POLR1A: variants seen among roughly 807,000 people sequenced by gnomAD.
The protein encoded by POLR1A is DNA-directed RNA polymerase I subunit RPA1.
In POLR1A, 84 loss-of-function variants were observed where a neutral mutation model predicts 205.3. That is an observed-to-expected ratio of 0.41 (90% CI 0.34 to 0.49). POLR1A has a LOEUF of 0.49. POLR1A is among the 20% of genes least tolerant of loss of function. The pLI, the probability that POLR1A is intolerant of heterozygous loss-of-function variation, is 0.22. For missense variants in POLR1A, 1,645 were observed against 2,204.5 expected, an observed-to-expected ratio of 0.75 and a Z score of 5.08; for synonymous variants, 799 against 863.7, an observed-to-expected ratio of 0.93 and a Z score of 1.31.
At chr2:86,080,516 C>T (rs991050371) in intron 9 of POLR1A, among the ~76,000 whole-genome samples, 2 of 152,132 alleles carry the variant, frequency 1.3e-5, no homozygotes, top group African/African-American at 4.8e-5. Flanking sequence ...GAAATCTCAC[C>T]ACAAATCACA....
chr2:86,052,412 A>T (rs1435224801), intron 16 of POLR1A, among the ~76,000 whole-genome samples: 1 of 152,222 alleles, frequency 6.6e-6, no homozygotes, highest in Non-Finnish European at 1.5e-5. Flanking sequence ...ACAGAATGGA[A>T]ATGGGCACGA....
At position 86,041,990 on chromosome 2, in the gene POLR1A, T is replaced by C. The variant is rs747112784; in HGVS notation, c.3471A>G (p.Ala1157=). Reference sequence around the variant, plus strand: ...TTGTTTCAAATGTTTCTGACACTGATGCAAAGTAGATGTCAGGACGCCAGA... The same window carrying C: ...TTGTTTCAAATGTTTCTGACACTGACGCAAAGTAGATGTCAGGACGCCAGA... The part of the protein sequence containing the change: ...LSVWRPDIYF[A]SVSETFETKV... The change falls in exon 24 of 34, where the codon GCA becomes GCG. Residue 1157 remains alanine (A), a synonymous_variant. Transcript: ENST00000263857. 1.4e-5 allele frequency: 23 copies of C among 1,613,978 alleles called. No homozygotes were observed. In the South Asian group the frequency reaches 2.5e-4, roughly 18 times the overall value.
rs535792011 is a variant in POLR1A at position 86,046,833 on chromosome 2, A to G, written c.2733+332T>C. On this transcript the variant is annotated intron_variant, in intron 19 of 33. Coordinates refer to ENST00000263857, the MANE Select transcript of POLR1A (RefSeq NM_015425.6). ...GACAGAGCAAGACTTCATCTCGAAA[A>G]AAAACGAAAGAAAGAAAGAAACAAT... 8.5e-5 allele frequency among the ~76,000 whole-genome samples: 13 copies of G among 152,152 alleles called. No individual in the cohort carries two copies. In the South Asian group the frequency reaches 2.1e-3, roughly 24 times the overall value.
chr2:86,089,585 G>A (rs1447325722), intron 4 of POLR1A, among the ~76,000 whole-genome samples: 1 of 152,216 alleles, frequency 6.6e-6, no homozygotes, highest in East Asian at 1.9e-4. Flanking sequence ...ATGCTATACC[G>A]AAATCATATG....
chr2:86,063,168 T>G (rs1673026057), intron 14 of POLR1A, among the ~76,000 whole-genome samples: 1 of 151,452 alleles, frequency 6.6e-6, no homozygotes. Context: ...AAACCCCATC[T>G]CTACTAAAAA....
At chr2:86,100,364 T>C (rs1057406547) in intron 1 of POLR1A, among the ~76,000 whole-genome samples, 192 bp from the exon 2 acceptor site, 1 of 152,138 alleles carries the variant, frequency 6.6e-6, no homozygotes, top group Non-Finnish European at 1.5e-5. Flanking sequence ...AATAAATACA[T>C]ATGTGCTAAA....
At position 86,105,835 on chromosome 2, in the gene POLR1A, A is replaced by C; in HGVS notation, c.-59T>G. 7.0e-7 allele frequency: 1 copy of C among 1,422,240 alleles called. No individual in the cohort carries two copies. 88.1% of individuals were successfully genotyped at this position (1,422,240 alleles called of 1,614,324 possible). On this transcript the variant is annotated 5_prime_UTR_variant, in exon 1 of 34. Coordinates refer to ENST00000263857, the MANE Select transcript of POLR1A (RefSeq NM_015425.6). Reference sequence around the variant, plus strand: ...GAGACGTTCCACTCACCACCTGACTATTCTTAATTCAACCTCAAGCCCGGA... The same window carrying C: ...GAGACGTTCCACTCACCACCTGACTCTTCTTAATTCAACCTCAAGCCCGGA...
chr2:86,089,791 A>C, intron 4 of POLR1A, 31 bp downstream of exon 4: 1 of 1,308,420 alleles, frequency 7.6e-7, no homozygotes. Context: ...GATGCCCAAA[A>C]CAGCATGGGA....
In POLR1A at chr2:86,039,336, G is replaced by A. The variant is rs1356994417; in HGVS notation, c.3867C>T (p.Cys1289=). 6.2e-7 allele frequency: 1 copy of A among 1,613,734 alleles called. No homozygotes were observed. The highest frequency in any genetic ancestry group is 8.5e-7 in the Non-Finnish European group (1 of 1,179,988). The change falls in exon 26 of 34, where the codon TGC becomes TGT. Residue 1289 remains cysteine (C), a synonymous_variant. Transcript: ENST00000263857. ...GAAGGAGAGACGTTACCTCCCCCAAGCACACCCTGGTGAGTTGCTTCTTCA... is the reference window on the plus strand; with the variant it reads ...GAAGGAGAGACGTTACCTCCCCCAAACACACCCTGGTGAGTTGCTTCTTCA... ...KSLKKQLTRV[C]LGEVLQKIDV...
rs1362320705 is a variant in POLR1A, at chr2:86,040,573, T to G, written c.3573-14A>C. On this transcript the variant is annotated splice_polypyrimidine_tract_variant and intron_variant, in intron 24 of 33. Transcript: ENST00000263857. The stretch of plus-strand genomic sequence containing the variant: ...AAGGTCCTCAACCTAGAGACGGTGG[T>G]GGGGGGTCAGGGTGGGGGTTGTGGC... The G allele has an allele frequency of 2.8e-5, 43 of 1,521,824 alleles. 1 individual carries two copies. The South Asian group carries it at 3.6e-4, about 13-fold the overall frequency. 94.3% of individuals were successfully genotyped at this position (1,521,824 alleles called of 1,614,324 possible).
chr2:86,047,115 A>G (rs761192131), intron 19 of POLR1A, 50 bp downstream of exon 19: 12 of 1,261,472 alleles, frequency 9.5e-6, no homozygotes, highest in Non-Finnish European at 1.4e-5. Flanking sequence ...GCTATCCCCC[A>G]CCTGCCTTTG....
chr2:86,052,837 A>G lies in POLR1A; in HGVS notation c.2372T>C (p.Leu791Pro). Residue 791 changes from leucine to proline, a missense_variant, in exon 16 of 34, where the codon CTC becomes CCC. Coordinates refer to ENST00000263857, the MANE Select transcript of POLR1A (RefSeq NM_015425.6). ...CTTACCCAAGGTGAAGCCTCTGTAGAGCTGCAGGTAGGCGGTGAAGAGGCG... is the reference window on the plus strand; with the variant it reads ...CTTACCCAAGGTGAAGCCTCTGTAGGGCTGCAGGTAGGCGGTGAAGAGGCG... ...LARLFTAYLQLYRGFTLGVED... is the reference protein window; with the variant it reads ...LARLFTAYLQPYRGFTLGVED... The G allele has an allele frequency of 1.3e-6, 2 of 1,578,722 alleles. No homozygotes were observed. The highest frequency in any genetic ancestry group is 1.7e-6 in the Non-Finnish European group (2 of 1,161,912).
intron 3 of POLR1A, among the ~76,000 whole-genome samples, chr2:86,093,505 A>T (rs1673646427): frequency 6.6e-6 from 1 of 152,160 alleles, no homozygotes. Flanking sequence ...TCCTCAAACA[A>T]CATTCAAATT....
chr2:86,078,375 A>G, intron 9 of POLR1A, 91 bp from the exon 10 acceptor site: 1 of 924,624 alleles, frequency 1.1e-6, no homozygotes, highest in South Asian at 1.7e-5. Flanking sequence ...CCTGGATCTG[A>G]CAACTATGCA....
intron 14 of POLR1A, among the ~76,000 whole-genome samples, chr2:86,065,020 C>T (rs1673062082): frequency 6.6e-6 from 1 of 152,060 alleles, no homozygotes; most frequent in South Asian, 2.1e-4. Flanking sequence ...GGTGATCTGC[C>T]CGCCTCAGTC....
chr2:86,027,794 G>A, intron 33 of POLR1A, 91 bp downstream of exon 33: 1 of 1,429,400 alleles, frequency 7.0e-7, no homozygotes. Flanking sequence ...CCACTGGTGT[G>A]CAAGGAACCA....
chr2:86,053,089 G>T (rs1672835134), intron 15 of POLR1A, 89 bp from the exon 16 acceptor site: 2 of 968,626 alleles, frequency 2.1e-6, no homozygotes, highest in Non-Finnish European at 1.4e-6. Flanking sequence ...GACCCTCGTT[G>T]TGCAAGTCCC....
At chr2:86,050,871 G>A (rs1672789972) in intron 16 of POLR1A, among the ~76,000 whole-genome samples, 1 of 152,238 alleles carries the variant, frequency 6.6e-6, no homozygotes, top group Admixed American at 6.5e-5. Flanking sequence ...CCAACTGGAA[G>A]TGGGTGACCT....
rs758995206 is a variant in POLR1A, at chr2:86,030,311, G to A, written c.4664C>T (p.Ala1555Val). ...GAGGCACCGAGTGATGCCCTTGGTCGCATAGATGACGGCACCATGGGCCAA... is the reference window on the plus strand; with the variant it reads ...GAGGCACCGAGTGATGCCCTTGGTCACATAGATGACGGCACCATGGGCCAA... Reference protein sequence around the residue: ...VSLAHGAVIYATKGITRCLLN... With the variant: ...VSLAHGAVIYVTKGITRCLLN... The change falls in exon 31 of 34, where the codon GCG (alanine) becomes GTG (valine). Residue 1555 changes from alanine to valine, a missense_variant. Physicochemically the swap from Ala to Val is moderately conservative, Grantham distance 64. Around this residue, in one of 16 missense-constraint regions of POLR1A, gnomAD observed 394 missense variants for 468.5 expected, o/e 0.84. Coordinates refer to ENST00000263857, the MANE Select transcript of POLR1A (RefSeq NM_015425.6). 18 of 1,613,542 alleles carry A rather than the reference G, an allele frequency of 1.1e-5. No homozygotes were observed. Among genetic ancestry groups the A allele is most frequent in the African/African-American group, 5.3e-5 (4 of 74,922 alleles).
Sources: gnomAD v4.1 joint callset for allele counts (sites outside exome capture counted in the v4.1 genomes callset) on GRCh38, gnomAD v4.1.1 for gene constraint, gnomAD v4.1.1 regional missense constraint, MANE v1.5 for transcripts, NCBI Gene and HGNC (gene_info 2026-07-23, HGNC 2026-07-21) for gene names.